XIRP2: variants seen among roughly 807,000 people sequenced by gnomAD.
XIRP2 encodes xin actin binding repeat containing 2, also known as xin actin-binding repeat-containing protein 2.
A neutral mutation model predicts 277.0 loss-of-function variants in XIRP2; 236 were observed. The ratio of observed to expected loss-of-function variants is 0.85; its 90% CI spans 0.77 to 0.95. The LOEUF is 0.95. XIRP2 is among the 40% of genes least tolerant of loss of function. The probability of loss-of-function intolerance (pLI) is 0.00; values close to 1 mark genes in which losing one functional copy is unlikely to be tolerated. For missense variants in XIRP2, 4,640 were observed against 4,157.5 expected (o/e 1.12, Z -3.19); for synonymous variants, 1,490 against 1,416.5 (o/e 1.05, Z -1.17).
chr2:167,004,019 C>G lies in XIRP2; in HGVS notation c.408+100129C>G, dbSNP rs1014187301. 2.0e-5 allele frequency among the ~76,000 whole-genome samples: 3 copies of G among 151,800 alleles called. No individual in the cohort carries two copies. In the Admixed American group the frequency reaches 2.0e-4, roughly 10 times the overall value. On this transcript the variant is annotated intron_variant, in intron 2 of 10. Coordinates refer to ENST00000409195, the MANE Select transcript of XIRP2 (RefSeq NM_152381.6). ...TTCTGGTTAATGCAGGAAATAATTT[C>G]ATTGTCATTTCATTTTAATAAAGTT... is the stretch of plus-strand genomic sequence containing the variant.
intron 2 of XIRP2, among the ~76,000 whole-genome samples, chr2:167,025,241 A>T (rs558221340): frequency 1.1e-3 from 170 of 152,076 alleles, no homozygotes; most frequent in African/African-American, 3.1e-3. Flanking sequence ...TTTATTTGCG[A>T]AGAGGTGTTT....
rs747794550 is a variant in XIRP2 at position 167,247,361 on chromosome 2, G to T, written c.5969G>T (p.Trp1990Leu). ...GGTCCATTTGAGCCAGCGGCCAAGT[G>T]GCAAGGGGGAGCAGATACTCTCAGT... is the stretch of plus-strand genomic sequence containing the variant. ...KPGPFEPAAK[W>L]QGGADTLSQT... Residue 1990 changes from tryptophan to leucine, a missense_variant, in exon 9 of 11, where the codon TGG becomes TTG. By Grantham distance (61) the Trp-to-Leu change is moderately conservative. Transcript: ENST00000409195. 3 of 1,613,778 alleles carry T rather than the reference G, an allele frequency of 1.9e-6. No homozygotes were observed. Among genetic ancestry groups the T allele is most frequent in the Admixed American group, 3.3e-5 (2 of 59,988 alleles).
intron 2 of XIRP2, among the ~76,000 whole-genome samples, chr2:166,918,359 T>C (rs1684945559): frequency 2.6e-5 from 4 of 152,156 alleles, no homozygotes; most frequent in Admixed American, 2.6e-4. Flanking sequence ...AAATTTTCCC[T>C]ATTTATTCAT....
rs779749590 is a variant in XIRP2, at chr2:167,259,214, G to A, written c.*1397G>A. The stretch of plus-strand genomic sequence containing the variant: ...ACCTTGGCATGTTGAAACAACAGAA[G>A]CTGCCCGCAATAATGAAAACACAGG... On this transcript the variant is annotated 3_prime_UTR_variant, in exon 11 of 11. Coordinates refer to ENST00000409195, the MANE Select transcript of XIRP2 (RefSeq NM_152381.6). The A allele has an allele frequency of 3.1e-6, 5 of 1,613,442 alleles. No homozygotes were observed. Among genetic ancestry groups the A allele is most frequent in the South Asian group, 1.1e-5 (1 of 91,050 alleles).
rs1157710946 is a variant in XIRP2, at chr2:167,258,460, G to A, written c.*643G>A. On this transcript the variant is annotated 3_prime_UTR_variant, in exon 11 of 11. Transcript: ENST00000409195. ...AAAAGAAGGAAGGAAGGAAGAATGTGCAAGATAGGCCGAGTGAAGCTGAAG... is the reference window on the plus strand; with the variant it reads ...AAAAGAAGGAAGGAAGGAAGAATGTACAAGATAGGCCGAGTGAAGCTGAAG... 3.1e-6 allele frequency: 5 copies of A among 1,613,066 alleles called. No individual in the cohort carries two copies. Among genetic ancestry groups the A allele is most frequent in the Non-Finnish European group, 4.2e-6 (5 of 1,179,640 alleles).
intron 2 of XIRP2, among the ~76,000 whole-genome samples, chr2:167,008,394 T>A (rs1327753042): frequency 6.6e-6 from 1 of 151,586 alleles, no homozygotes; most frequent in Non-Finnish European, 1.5e-5. Context: ...TGACTAGAAC[T>A]GTAATAAAGA....
chr2:166,930,966 A>G (rs374919993), intron 2 of XIRP2, among the ~76,000 whole-genome samples: 2 of 152,148 alleles, frequency 1.3e-5, no homozygotes, highest in East Asian at 1.9e-4. Flanking sequence ...TAATTCCAGA[A>G]TCCCAAGTGG....
chr2:166,964,530 C>T (rs545023820), intron 2 of XIRP2, among the ~76,000 whole-genome samples: 45 of 151,764 alleles, frequency 3.0e-4, no homozygotes, highest in Non-Finnish European at 5.6e-4. Flanking sequence ...AGGAGTGAAA[C>T]TTGCTTATCT....
Position 167,250,897 on chromosome 2 carries a change from A to C in XIRP2, c.9505A>C (p.Asn3169His), listed in dbSNP as rs148207448. 6.2e-7 allele frequency: 1 copy of C among 1,613,354 alleles called. No individual in the cohort carries two copies. The highest frequency in any genetic ancestry group is 1.3e-5 in the African/African-American group (1 of 74,872). The part of the protein sequence containing the change: ...MSQKSEIHRA[N>H]TSPSPPRSRS... The stretch of plus-strand genomic sequence containing the variant: ...GCAAAAATCTGAAATTCACAGAGCA[A>C]ACACTTCCCCTTCTCCACCCAGGAG... Residue 3169 changes from asparagine to histidine, a missense_variant, in exon 9 of 11, where the codon AAC becomes CAC. Transcript: ENST00000409195.
intron 3 of XIRP2, among the ~76,000 whole-genome samples, chr2:167,178,041 A>G: frequency 6.6e-6 from 1 of 152,164 alleles, no homozygotes; most frequent in East Asian, 1.9e-4. Flanking sequence ...AAAAACAAAA[A>G]AAAAAAAAGC....
Position 167,258,526 on chromosome 2 carries a change from C to A in XIRP2, c.*709C>A, listed in dbSNP as rs1490857061. Reference sequence around the variant, plus strand: ...GGAAAAGTGCTATGGATCTTAATGACAACAATAATGTGATTGTGCAGAGTG... The same window carrying A: ...GGAAAAGTGCTATGGATCTTAATGAAAACAATAATGTGATTGTGCAGAGTG... On this transcript the variant is annotated 3_prime_UTR_variant, in exon 11 of 11. Coordinates refer to ENST00000409195, the MANE Select transcript of XIRP2 (RefSeq NM_152381.6). 1.2e-6 allele frequency: 2 copies of A among 1,612,882 alleles called. No individual in the cohort carries two copies. Among genetic ancestry groups the A allele is most frequent in the East Asian group, 2.2e-5 (1 of 44,760 alleles).
intron 2 of XIRP2, among the ~76,000 whole-genome samples, chr2:167,018,546 G>A (rs1016537220): frequency 1.3e-5 from 2 of 151,974 alleles, no homozygotes; most frequent in African/African-American, 2.4e-5. Flanking sequence ...ATTCTCAGCA[G>A]CAAAATCTGA....
intron 2 of XIRP2, among the ~76,000 whole-genome samples, chr2:167,085,352 T>C (rs1689901799): frequency 6.6e-6 from 1 of 151,558 alleles, no homozygotes; most frequent in Non-Finnish European, 1.5e-5. Context: ...TGAGGAGAGC[T>C]TTACTTCCAA....
chr2:167,164,991 A>T (rs1198356929), intron 3 of XIRP2, among the ~76,000 whole-genome samples: 3 of 152,158 alleles, frequency 2.0e-5, no homozygotes, highest in Admixed American at 6.5e-5. Context: ...CTGCCTGTTT[A>T]TCCTTCCTTC....
At chr2:167,023,163 G>C (rs1230548346) in intron 2 of XIRP2, among the ~76,000 whole-genome samples, 1 of 152,262 alleles carries the variant, frequency 6.6e-6, no homozygotes, top group African/African-American at 2.4e-5. Flanking sequence ...GGTGTGAGAT[G>C]GTATCTCATT....
chr2:167,088,093 T>A (rs1284993779), intron 2 of XIRP2, among the ~76,000 whole-genome samples: 1 of 152,148 alleles, frequency 6.6e-6, no homozygotes, highest in Non-Finnish European at 1.5e-5. Context: ...AAATATTTCC[T>A]TTGGAAAGAA....
intron 2 of XIRP2, among the ~76,000 whole-genome samples, chr2:167,085,094 C>T (rs1267624309): frequency 4.3e-5 from 6 of 140,642 alleles, no homozygotes; most frequent in Non-Finnish European, 9.5e-5. Context: ...CTATAAATTT[C>T]CCTCTACACA....
intron 2 of XIRP2, among the ~76,000 whole-genome samples, chr2:167,035,527 C>A (rs554526273): frequency 6.6e-6 from 1 of 152,104 alleles, no homozygotes; most frequent in Non-Finnish European, 1.5e-5. Flanking sequence ...TTTAGGGTAT[C>A]TGGTAGAAGA....
At chr2:167,133,418 C>G (rs1361792572) in intron 2 of XIRP2, among the ~76,000 whole-genome samples, 1 of 152,088 alleles carries the variant, frequency 6.6e-6, no homozygotes, top group African/African-American at 2.4e-5. Context: ...GAAAATAAGT[C>G]CACTACATTC....
Sources: allele counts gnomAD v4.1 joint callset (sites outside exome capture counted in the v4.1 genomes callset), GRCh38; gene constraint gnomAD v4.1.1; transcripts MANE v1.5; gene names NCBI Gene and HGNC (gene_info 2026-07-23, HGNC 2026-07-21).